The following VARS2 variants were observed in gnomAD, a reference collection of about 807,000 sequenced individuals.
The protein encoded by VARS2 is valine--tRNA ligase, mitochondrial.
A neutral mutation model predicts 154.1 loss-of-function variants in VARS2; 105 were observed. The ratio of observed to expected loss-of-function variants is 0.68; its 90% CI spans 0.58 to 0.80. The LOEUF (loss-of-function observed/expected upper bound fraction) is 0.80. VARS2 is among the 30% of genes least tolerant of loss of function. The pLI is 0.00. For synonymous variants in VARS2, 483 were observed against 539.5 expected (o/e 0.90, Z 1.45); for missense variants, 1,157 against 1,361.4 (o/e 0.85, Z 2.36).
chr6:30,921,916 G>A lies in VARS2; in HGVS notation c.1736-9G>A, dbSNP rs367971918. The A allele has an allele frequency of 1.2e-6, 2 of 1,612,960 alleles. No individual in the cohort carries two copies. Among genetic ancestry groups the A allele is most frequent in the Non-Finnish European group, 1.7e-6 (2 of 1,179,984 alleles). On this transcript the variant is annotated splice_polypyrimidine_tract_variant and intron_variant, in intron 18 of 29. Coordinates refer to ENST00000676266, the MANE Select transcript of VARS2 (RefSeq NM_020442.6). The surrounding 1 kb of genome is among the most constrained non-coding windows in gnomAD (Gnocchi z 4.6). ...TTCCAACTGTCCCCATTCTTTTTCT[G>A]TTTCCCAGATCCTGATGTCCTAGAC...
intron 26 of VARS2, among the ~76,000 whole-genome samples, 172 bp from the exon 27 acceptor site, chr6:30,925,102 T>C (rs2150569881): frequency 6.6e-6 from 1 of 152,378 alleles, no homozygotes; most frequent in African/African-American, 2.4e-5. Context: ...ACCTCTTAAA[T>C]GACGCCTCAC....
At position 30,920,793 on chromosome 6, in the gene VARS2, A is replaced by G; in HGVS notation, c.1479+44A>G. The stretch of plus-strand genomic sequence containing the variant: ...AAGGACTGGGGCCAGGGGTTGGGGG[A>G]GCTCCCTGAGAATTGGAATGAAGAA... On this transcript the variant is annotated intron_variant, in intron 15 of 29. Transcript: ENST00000676266. This position sits in a 1 kb window ranked among gnomAD's most constrained non-coding sequence, Gnocchi z 4.6. 2 of 1,462,470 alleles carry G rather than the reference A, an allele frequency of 1.4e-6. No individual in the cohort carries two copies. The highest frequency in any genetic ancestry group is 1.8e-6 in the Non-Finnish European group (2 of 1,089,654). 90.6% of individuals were successfully genotyped at this position (1,462,470 alleles called of 1,614,324 possible). A position where few individuals can be genotyped will look rare whatever the true frequency, so the allele number is the denominator to read the frequency against.
At position 30,920,205 on chromosome 6, in the gene VARS2, G is replaced by T; in HGVS notation, c.1282G>T (p.Asp428Tyr). The T allele has an allele frequency of 6.3e-7, 1 of 1,577,866 alleles. No homozygotes were observed. Among genetic ancestry groups the T allele is most frequent in the Non-Finnish European group, 8.6e-7 (1 of 1,161,054 alleles). The change falls in exon 13 of 30, where the codon GAC (aspartate) becomes TAC (tyrosine). Residue 428 changes from aspartate to tyrosine, a missense_variant. Physicochemically the swap from Asp to Tyr is radical, Grantham distance 160. Transcript: ENST00000676266. This position sits in a 1 kb window ranked among gnomAD's most constrained non-coding sequence, Gnocchi z 4.6. ...TGGGACCATGACCTCCCTCTGCGGG[G>T]ACTGGCTGCAGGTGGTACCACCCTA... ...EDGTMTSLCG[D>Y]WLQGLHRFVA...
intron 1 of VARS2, 172 bp from the exon 2 acceptor site, chr6:30,914,638 C>A: frequency 9.4e-7 from 1 of 1,065,424 alleles, no homozygotes; most frequent in Non-Finnish European, 1.3e-6. Flanking sequence ...GGCTCCATGG[C>A]GCTGTCTGTC....
In VARS2 at chr6:30,921,045, A is replaced by T; in HGVS notation, c.1480-20A>T. The T allele has an allele frequency of 6.2e-7, 1 of 1,600,632 alleles. No individual in the cohort carries two copies. Among genetic ancestry groups the T allele is most frequent in the Non-Finnish European group, 8.5e-7 (1 of 1,173,418 alleles). ...CCGTGCAGGAAGGGCAACATTGTCT[A>T]AAGTCCCCTTTCTCTCCAGGCTGTG... On this transcript the variant is annotated intron_variant, in intron 15 of 29. Coordinates refer to ENST00000676266, the MANE Select transcript of VARS2 (RefSeq NM_020442.6). This position sits in a 1 kb window ranked among gnomAD's most constrained non-coding sequence, Gnocchi z 4.6.
In VARS2 at chr6:30,922,935, C is replaced by G. The variant is rs1794619831; in HGVS notation, c.2144C>G (p.Thr715Arg). The change falls in exon 23 of 30, where the codon ACA (threonine) becomes AGA (arginine). Residue 715 changes from threonine (T) to arginine (R), a missense_variant. By Grantham distance (71) the Thr-to-Arg change is moderately conservative. Transcript: ENST00000676266. Reference protein sequence around the residue: ...DFPHGIPECGTDALRFTLCSH... With the variant: ...DFPHGIPECGRDALRFTLCSH... ...CCTCACGGGATCCCTGAGTGTGGGA[C>G]AGATGCCCTGAGATTCACACTCTGC... 1 of 1,610,636 alleles carries G rather than the reference C, an allele frequency of 6.2e-7. No homozygotes were observed. The highest frequency in any genetic ancestry group is 8.5e-7 in the Non-Finnish European group (1 of 1,178,462).
Position 30,923,460 on chromosome 6 carries a change from T to C in VARS2, c.2421T>C (p.His807=). Residue 807 remains histidine (H), a synonymous_variant, in exon 25 of 30, where the codon CAT becomes CAC. Transcript: ENST00000676266. ...CCCGAGAGCTCTCGCTCGTCACTCA[T>C]GCCCTGCACCACTTCTGGCTTCACA... ...FLTRELSLVT[H]ALHHFWLHNL... is the part of the protein sequence containing the mutation. 6.2e-7 allele frequency: 1 copy of C among 1,612,266 alleles called. No homozygotes were observed. The highest frequency in any genetic ancestry group is 1.1e-5 in the South Asian group (1 of 91,086).
rs886448484 is a variant in VARS2, at chr6:30,916,566, C to T, written c.672-312C>T. 8.6e-5 allele frequency: 36 copies of T among 419,484 alleles called. No homozygotes were observed. The highest frequency in any genetic ancestry group is 1.5e-4 in the Non-Finnish European group (36 of 240,546). 26.0% of individuals were successfully genotyped at this position (419,484 alleles called of 1,614,324 possible). On this transcript the variant is annotated intron_variant, in intron 7 of 29. Transcript: ENST00000676266. This position sits in a 1 kb window ranked among gnomAD's most constrained non-coding sequence, Gnocchi z 4.0. ...ACCTTCTTCCACTCGCCCATTCCCA[C>T]CTTTCAATTCCCATGGAATTACCCT... is the stretch of plus-strand genomic sequence containing the variant.
In VARS2 at chr6:30,919,996, G is replaced by T; in HGVS notation, c.1166-93G>T. The T allele has an allele frequency of 6.7e-7, 1 of 1,500,482 alleles. No individual in the cohort carries two copies. Among genetic ancestry groups the T allele is most frequent in the Non-Finnish European group, 8.9e-7 (1 of 1,122,428 alleles). 92.9% of individuals were successfully genotyped at this position (1,500,482 alleles called of 1,614,324 possible). Reference sequence around the variant, plus strand: ...GAGGGAGGCACAGACAGAGAAAGTCGCAGGGGCTGGGGCGGTGCAGGTGAT... The same window carrying T: ...GAGGGAGGCACAGACAGAGAAAGTCTCAGGGGCTGGGGCGGTGCAGGTGAT... On this transcript the variant is annotated intron_variant, in intron 12 of 29. Transcript: ENST00000676266. This position sits in a 1 kb window ranked among gnomAD's most constrained non-coding sequence, Gnocchi z 4.5.
intron 20 of VARS2, 27 bp from the exon 21 acceptor site, chr6:30,922,423 C>G (rs757988629): frequency 1.9e-6 from 3 of 1,609,906 alleles, no homozygotes; most frequent in South Asian, 1.1e-5. Context: ...AGGAAACCCC[C>G]CTCTGTTGAC....
chr6:30,926,091 C>G lies in VARS2; in HGVS notation c.3091-18C>G, dbSNP rs1562465348. 3.1e-6 allele frequency: 5 copies of G among 1,613,060 alleles called. No homozygotes were observed. Among genetic ancestry groups the G allele is most frequent in the Non-Finnish European group, 4.2e-6 (5 of 1,180,006 alleles). Reference sequence around the variant, plus strand: ...GGGCCTCATTCCTGGATCCTCACCTCCTTTTCTCCTCGTCCAGCTTTCTTC... The same window carrying G: ...GGGCCTCATTCCTGGATCCTCACCTGCTTTTCTCCTCGTCCAGCTTTCTTC... On this transcript the variant is annotated intron_variant, in intron 29 of 29. Transcript: ENST00000676266.
At chr6:30,923,079 G>A (rs772625825) in intron 23 of VARS2, 25 bp from the exon 24 acceptor site, 2 of 1,612,314 alleles carry the variant, frequency 1.2e-6, no homozygotes, top group Non-Finnish European at 1.7e-6. Context: ...CCTACATGCA[G>A]ACTACCTCGA....
At position 30,925,471 on chromosome 6, in the gene VARS2, C is replaced by G. The variant is rs923062933; in HGVS notation, c.2786-73C>G. The G allele has an allele frequency of 8.3e-6, 13 of 1,562,246 alleles. No individual in the cohort carries two copies. The African/African-American group carries it at 1.8e-4, about 21-fold the overall frequency. On this transcript the variant is annotated intron_variant, in intron 27 of 29. Transcript: ENST00000676266. ...GAGCAGAGCCTGAAGGGCCAACCCC[C>G]CCGTTAGGAGGTGCAGGGTAGGAAG...
rs574420956 is a variant in VARS2, at chr6:30,921,508, A to G, written c.1633-81A>G. The G allele has an allele frequency of 8.6e-6, 13 of 1,515,296 alleles. No homozygotes were observed. In the East Asian group the frequency reaches 1.7e-4, roughly 19 times the overall value. 93.9% of individuals were successfully genotyped at this position (1,515,296 alleles called of 1,614,324 possible). On this transcript the variant is annotated intron_variant, in intron 17 of 29. Transcript: ENST00000676266. This position sits in a 1 kb window ranked among gnomAD's most constrained non-coding sequence, Gnocchi z 4.6. Reference sequence around the variant, plus strand: ...GGGAACCTGGCCACTCTAAGACCACATGAGGACGTGAAAACCAAGTGACAT... The same window carrying G: ...GGGAACCTGGCCACTCTAAGACCACGTGAGGACGTGAAAACCAAGTGACAT...
Position 30,924,986 on chromosome 6 carries a change from T to G in VARS2, c.2674-288T>G, listed in dbSNP as rs549065917. Among the ~76,000 whole-genome samples, 3 of 152,374 alleles carry G rather than the reference T, an allele frequency of 2.0e-5. No homozygotes were observed. The East Asian group carries it at 5.8e-4, about 29-fold the overall frequency. On this transcript the variant is annotated intron_variant, in intron 26 of 29. Coordinates refer to ENST00000676266, the MANE Select transcript of VARS2 (RefSeq NM_020442.6). The stretch of plus-strand genomic sequence containing the variant: ...AAAATTTAACTATTTAAATTTATAC[T>G]TATTTGGTTTTGAGTTTTGACTAAT...
chr6:30,917,908 G>A lies in VARS2; in HGVS notation c.985+102G>A. 1.6e-6 allele frequency: 2 copies of A among 1,234,780 alleles called. No homozygotes were observed. Among genetic ancestry groups the A allele is most frequent in the East Asian group, 2.5e-5 (1 of 39,420 alleles). 76.5% of individuals were successfully genotyped at this position (1,234,780 alleles called of 1,614,324 possible). A position where few individuals can be genotyped will look rare whatever the true frequency, so the allele number is the denominator to read the frequency against. On this transcript the variant is annotated intron_variant, in intron 10 of 29. Coordinates refer to ENST00000676266, the MANE Select transcript of VARS2 (RefSeq NM_020442.6). The surrounding 1 kb of genome is among the most constrained non-coding windows in gnomAD (Gnocchi z 4.4). ...GAACCCATCAGTCCATCTCTCACAT[G>A]TACCTTGGTAGTGTTCACCTCAGCG... is the stretch of plus-strand genomic sequence containing the variant.
chr6:30,917,259 C>T lies in VARS2; in HGVS notation c.873+35C>T, dbSNP rs1473534956. 1.2e-6 allele frequency: 2 copies of T among 1,613,626 alleles called. No individual in the cohort carries two copies. Among genetic ancestry groups the T allele is most frequent in the Non-Finnish European group, 1.7e-6 (2 of 1,179,978 alleles). On this transcript the variant is annotated intron_variant, in intron 9 of 29. Transcript: ENST00000676266. This position sits in a 1 kb window ranked among gnomAD's most constrained non-coding sequence, Gnocchi z 4.4. ...AGAGAGGGAAGCAGGTTTGTGAGAG[C>T]TCTGAGGCAGAGTGGTCAATGATTA...
chr6:30,915,467 G>T lies in VARS2; in HGVS notation c.384+12G>T. ...AACCAGAATATCAGGTTAGTATCTG[G>T]CAGGGAGGGGTCCTAAATTGTCTCC... is the stretch of plus-strand genomic sequence containing the variant. On this transcript the variant is annotated intron_variant, in intron 4 of 29. Transcript: ENST00000676266. 2 of 1,612,104 alleles carry T rather than the reference G, an allele frequency of 1.2e-6. No homozygotes were observed. Among genetic ancestry groups the T allele is most frequent in the Non-Finnish European group, 1.7e-6 (2 of 1,178,892 alleles).
At position 30,921,819 on chromosome 6, in the gene VARS2, A is replaced by G; in HGVS notation, c.1736-106A>G. 1 of 1,557,734 alleles carries G rather than the reference A, an allele frequency of 6.4e-7. No individual in the cohort carries two copies. Among genetic ancestry groups the G allele is most frequent in the Non-Finnish European group, 8.8e-7 (1 of 1,136,324 alleles). ...AGTTGGGAATGGAGCCAAAGGGGAC[A>G]GCCCTGGTCTCTGGGGGTGGGGGTT... On this transcript the variant is annotated intron_variant, in intron 18 of 29. Coordinates refer to ENST00000676266, the MANE Select transcript of VARS2 (RefSeq NM_020442.6). The surrounding 1 kb of genome is among the most constrained non-coding windows in gnomAD (Gnocchi z 4.6).
Sources: gnomAD v4.1 joint callset for allele counts (sites outside exome capture counted in the v4.1 genomes callset) on GRCh38, gnomAD v4.1.1 for gene constraint, Gnocchi (gnomAD v3.1) non-coding constraint, MANE v1.5 for transcripts, NCBI Gene and HGNC (gene_info 2026-07-23, HGNC 2026-07-21) for gene names.